Variants in NGEF observed in about 807,000 individuals in gnomAD.
The protein encoded by NGEF is neuronal guanine nucleotide exchange factor.
NGEF carries 31 observed loss-of-function variants against 80.9 expected under a neutral mutation model. The ratio of observed to expected loss-of-function variants is 0.38; its 90% CI spans 0.29 to 0.52. NGEF has a LOEUF of 0.52. Ranked by LOEUF, NGEF falls within the 20% of genes least tolerant of loss-of-function variation. NGEF has a pLI of 0.84. For missense variants in NGEF, 709 were observed against 926.2 expected (o/e 0.77, Z 3.04); for synonymous variants, 371 against 370.2 (o/e 1.00, Z -0.03).
intron 3 of NGEF, among the ~76,000 whole-genome samples, chr2:232,964,565 G>A (rs1056620424): frequency 2.6e-5 from 4 of 152,186 alleles, no homozygotes; most frequent in Admixed American, 2.0e-4. Flanking sequence ...GTAGTGACAG[G>A]TGCCTGTAAT....
At chr2:233,009,748 C>T (rs1286344756) in intron 1 of NGEF, among the ~76,000 whole-genome samples, 1 of 152,162 alleles carries the variant, frequency 6.6e-6, no homozygotes, top group Non-Finnish European at 1.5e-5. Context: ...AACTGAGGCA[C>T]AGCCACCAGG....
intron 1 of NGEF, among the ~76,000 whole-genome samples, chr2:232,996,332 C>CAACAACAACAACAACACA (rs1056851914): frequency 6.6e-6 from 1 of 151,916 alleles, no homozygotes; most frequent in Non-Finnish European, 1.5e-5. Context: ...TGTCTCAAGA[C>CAACAACAACAACAACACA]AACAACAACA....
chr2:232,970,075 A>T (rs4973587), intron 3 of NGEF, 139 bp downstream of exon 3: 181,180 of 370,396 alleles, frequency 0.49, 38,821 homozygotes, highest in East Asian at 0.68. Context: ...TTATTTATTT[A>T]TTTTTTTAGC....
In NGEF at chr2:232,892,318, G is replaced by A. The variant is rs987412300; in HGVS notation, c.1142+580C>T. ...GAAAACTCCCTGGGTGCTTCTGTGC[G>A]GAGCCAAGACGGCCTCCCTGGCTAA... is the stretch of plus-strand genomic sequence containing the variant. On this transcript the variant is annotated intron_variant, in intron 7 of 14. Coordinates refer to ENST00000264051, the MANE Select transcript of NGEF (RefSeq NM_019850.3). The surrounding 1 kb of genome is among the most constrained non-coding windows in gnomAD (Gnocchi z 4.0). Among the ~76,000 whole-genome samples the A allele has an allele frequency of 6.6e-5, 10 of 152,130 alleles. No individual in the cohort carries two copies. Among genetic ancestry groups the A allele is most frequent in the South Asian group, 2.1e-4 (1 of 4,820 alleles).
Position 232,879,208 on chromosome 2 carries a change from C to A in NGEF, c.*281G>T. On this transcript the variant is annotated 3_prime_UTR_variant, in exon 15 of 15. Transcript: ENST00000264051. Reference sequence around the variant, plus strand: ...GGGGGCCCTGGAGTGTGCCCACCCCCTTCCACCCCCTCGGAGGCATGAGGG... The same window carrying A: ...GGGGGCCCTGGAGTGTGCCCACCCCATTCCACCCCCTCGGAGGCATGAGGG... 2.9e-6 allele frequency: 1 copy of A among 345,442 alleles called. No individual in the cohort carries two copies. The highest frequency in any genetic ancestry group is 6.3e-5 in the South Asian group (1 of 15,828). The allele number at this position is 345,442 out of a possible 1,614,324, so 21.4% of individuals were successfully genotyped here. A position where few individuals can be genotyped will look rare whatever the true frequency, so the allele number is the denominator to read the frequency against.
rs544440078 is a variant in NGEF at position 232,959,539 on chromosome 2, A to G, written c.383+10675T>C. 9.9e-5 allele frequency among the ~76,000 whole-genome samples: 15 copies of G among 151,792 alleles called. No homozygotes were observed. In the East Asian group the frequency reaches 2.1e-3, roughly 22 times the overall value. On this transcript the variant is annotated intron_variant, in intron 3 of 14. Transcript: ENST00000264051. ...CACTTGAAGACTCGCCATGCTGTAC[A>G]TGAGCCATTGGTGGCAATGGGCGAT...
chr2:232,963,494 A>G (rs1015106491), intron 3 of NGEF, among the ~76,000 whole-genome samples: 1 of 152,098 alleles, frequency 6.6e-6, no homozygotes, highest in African/African-American at 2.4e-5. Context: ...GTCTTCATCA[A>G]AATTAAAAAT....
At chr2:232,972,313 T>G (rs1276085575) in intron 2 of NGEF, among the ~76,000 whole-genome samples, 1 of 152,260 alleles carries the variant, frequency 6.6e-6, no homozygotes, top group Non-Finnish European at 1.5e-5. Context: ...CGATATTTTT[T>G]ATGTTGATTA....
chr2:233,012,674 G>A (rs572286247), intron 1 of NGEF: 47 of 359,886 alleles, frequency 1.3e-4, no homozygotes, highest in African/African-American at 7.5e-4. Flanking sequence ...AAGGTGCCCC[G>A]GCTTGCTTTA....
At chr2:232,914,380 G>A (rs1046978840) in intron 5 of NGEF, among the ~76,000 whole-genome samples, 4 of 152,176 alleles carry the variant, frequency 2.6e-5, no homozygotes, top group African/African-American at 7.2e-5. Flanking sequence ...GTAGCCACAC[G>A]GAGCTAGTGA....
intron 1 of NGEF, among the ~76,000 whole-genome samples, chr2:232,980,872 C>T (rs1313336944): frequency 1.3e-5 from 2 of 152,116 alleles, no homozygotes. Flanking sequence ...AGGGCATCCT[C>T]AGCAGGTGCA....
At chr2:232,909,178 ATT>A (rs1366975752) in intron 5 of NGEF, among the ~76,000 whole-genome samples, 1 of 152,028 alleles carries the variant, frequency 6.6e-6, no homozygotes, top group Non-Finnish European at 1.5e-5. Context: ...ATTATGTATG[ATT>A]TTGTTATAAA....
chr2:232,926,238 G>A (rs1348548476), intron 4 of NGEF, among the ~76,000 whole-genome samples: 1 of 152,034 alleles, frequency 6.6e-6, no homozygotes, highest in South Asian at 2.1e-4. Context: ...AATGAAGAAC[G>A]AAAAGACTTC....
intron 3 of NGEF, among the ~76,000 whole-genome samples, chr2:232,962,561 T>C (rs1353938022): frequency 6.6e-6 from 1 of 151,746 alleles, no homozygotes; most frequent in East Asian, 1.9e-4. Flanking sequence ...AAAGAGCTAA[T>C]AAGCGAATTT....
intron 3 of NGEF, among the ~76,000 whole-genome samples, chr2:232,946,216 A>G (rs1693555102): frequency 6.6e-6 from 1 of 152,088 alleles, no homozygotes; most frequent in Non-Finnish European, 1.5e-5. Flanking sequence ...TCTCACTCAT[A>G]AATGGGAGCT....
rs538692677 is a variant in NGEF at position 232,937,691 on chromosome 2, G to A, written c.384-10505C>T. 3.9e-4 allele frequency among the ~76,000 whole-genome samples: 60 copies of A among 152,332 alleles called. 1 individual carries two copies. The South Asian group carries it at 0.012, about 32-fold the overall frequency. On this transcript the variant is annotated intron_variant, in intron 3 of 14. Coordinates refer to ENST00000264051, the MANE Select transcript of NGEF (RefSeq NM_019850.3). ...CGTGAGTTAATATAGGGAAGCCAGT[G>A]GGCTCTGTGGTGCCATGCCCTTGGT...
intron 1 of NGEF, among the ~76,000 whole-genome samples, chr2:232,998,601 T>C (rs1168942669): frequency 6.6e-6 from 1 of 152,036 alleles, no homozygotes; most frequent in African/African-American, 2.4e-5. Context: ...CCCTCCATGC[T>C]GGGTGAAGCC....
intron 1 of NGEF, among the ~76,000 whole-genome samples, chr2:232,992,665 A>G (rs1252719564): frequency 6.6e-6 from 1 of 152,128 alleles, no homozygotes; most frequent in Non-Finnish European, 1.5e-5. Context: ...TAAAGAACTC[A>G]TACAACTCAA....
At chr2:232,961,355 C>T (rs1182562833) in intron 3 of NGEF, among the ~76,000 whole-genome samples, 1 of 152,198 alleles carries the variant, frequency 6.6e-6, no homozygotes, top group Admixed American at 6.5e-5. Context: ...CTCGCCTTCA[C>T]ATATTTAAAA....
Sources: allele counts gnomAD v4.1 joint callset (sites outside exome capture counted in the v4.1 genomes callset), GRCh38; gene constraint gnomAD v4.1.1; non-coding constraint Gnocchi (gnomAD v3.1); transcripts MANE v1.5; gene names NCBI Gene and HGNC (gene_info 2026-07-23, HGNC 2026-07-21).